Variants in SUSD1 observed in about 807,000 individuals in gnomAD.
SUSD1 encodes the protein sushi domain-containing protein 1.
Under a neutral mutation model 86.9 loss-of-function variants are expected in SUSD1, and 65 were observed. That is an observed-to-expected ratio of 0.75 (90% CI 0.61 to 0.92). SUSD1 has a LOEUF of 0.92. SUSD1 is among the 40% of genes least tolerant of loss of function. The pLI is 0.00. For missense variants in SUSD1, 850 were observed against 929.7 expected (o/e 0.91, Z 1.11); for synonymous variants, 346 against 350.0 (o/e 0.99, Z 0.13).
In SUSD1 at chr9:112,124,435, C is replaced by G. The variant is rs774519623; in HGVS notation, c.708G>C (p.Glu236Asp). ...TWESPKLHCQ[E>D]INCGNPPEMR... ...TTTCTGGAGGGTTGCCACAGTTGAT[C>G]TCTGCAATGGGAACCAAGACAGCAC... is the stretch of plus-strand genomic sequence containing the variant. The change falls in exon 6 of 17, where the codon GAG (glutamate) becomes GAC (aspartate). Residue 236 changes from glutamate to aspartate, a missense_variant and splice_region_variant. Physicochemically the swap from Glu to Asp is conservative, Grantham distance 45. Coordinates refer to ENST00000374270, the MANE Select transcript of SUSD1 (RefSeq NM_022486.5). 4 of 1,613,678 alleles carry G rather than the reference C, an allele frequency of 2.5e-6. No homozygotes were observed. In the East Asian group the frequency reaches 8.9e-5, roughly 36 times the overall value.
At position 112,103,139 on chromosome 9, in the gene SUSD1, T is replaced by A. The variant is rs1012717161; in HGVS notation, c.1172-854A>T. 7 of 462,338 alleles carry A rather than the reference T, an allele frequency of 1.5e-5. No individual in the cohort carries two copies. The East Asian group carries it at 4.9e-4, about 33-fold the overall frequency. 28.6% of individuals were successfully genotyped at this position (462,338 alleles called of 1,614,324 possible). A position where few individuals can be genotyped will look rare whatever the true frequency, so the allele number is the denominator to read the frequency against. Reference sequence around the variant, plus strand: ...CTATTTTATAACTACCTTTTATATGTGTATTTCTCCCGTGGGAGTTTCTGC... The same window carrying A: ...CTATTTTATAACTACCTTTTATATGAGTATTTCTCCCGTGGGAGTTTCTGC... On this transcript the variant is annotated intron_variant, in intron 8 of 16. Transcript: ENST00000374270.
intron 12 of SUSD1, among the ~76,000 whole-genome samples, chr9:112,066,656 G>A (rs1343554038): frequency 6.6e-6 from 1 of 152,144 alleles, no homozygotes; most frequent in Non-Finnish European, 1.5e-5. Context: ...CGTACGTGTT[G>A]TCTTTTCATA....
In SUSD1 at chr9:112,078,809, C is replaced by CACTTT. The variant is rs1196821450; in HGVS notation, c.1567-86_1567-85insAAAGT. 2,370 of 829,510 alleles carry CACTTT rather than the reference C, an allele frequency of 2.9e-3. 47 individuals are homozygous for CACTTT. The African/African-American group carries it at 0.051, about 18-fold the overall frequency. The allele number at this position is 829,510 out of a possible 1,614,324, so 51.4% of individuals were successfully genotyped here. On this transcript the variant is annotated intron_variant, in intron 11 of 16. Coordinates refer to ENST00000374270, the MANE Select transcript of SUSD1 (RefSeq NM_022486.5). ...AAACCTCCCCTTTTCCTTTTTCTTT[C>CACTTT]TCTTTTTTTTTTTTTTTTTTTGAGA... is the stretch of plus-strand genomic sequence containing the variant.
rs1055847838 is a variant in SUSD1, at chr9:112,052,181, T to C, written c.2149+218A>G. The C allele has an allele frequency of 4.0e-6, 6 of 1,482,084 alleles. No individual in the cohort carries two copies. The South Asian group carries it at 7.8e-5, about 19-fold the overall frequency. 91.8% of individuals were successfully genotyped at this position (1,482,084 alleles called of 1,614,324 possible). A position where few individuals can be genotyped will look rare whatever the true frequency, so the allele number is the denominator to read the frequency against. On this transcript the variant is annotated intron_variant, in intron 15 of 16. Transcript: ENST00000374270. The stretch of plus-strand genomic sequence containing the variant: ...GTGTTGAGTCCCCAGTCCCAGTTCC[T>C]GGAGCCTTCTTGGTGGGGTAGCTCT...
intron 12 of SUSD1, among the ~76,000 whole-genome samples, chr9:112,076,320 G>C (rs185726373): frequency 6.6e-6 from 1 of 152,292 alleles, no homozygotes; most frequent in African/African-American, 2.4e-5. Flanking sequence ...AGGCACAGGT[G>C]GGGAGAAGTG....
chr9:112,062,941 T>C lies in SUSD1; in HGVS notation c.1846A>G (p.Ile616Val). ...GGAGAAAGGACAGCTACTGACCTGA[T>C]TGGTCCATTTTTCTCCTTGGCTTTC... ...LRKAKEKNGP[I>V]SSYQVLVLPL... Residue 616 changes from isoleucine to valine, a missense_variant, in exon 13 of 17, where the codon ATC becomes GTC. Coordinates refer to ENST00000374270, the MANE Select transcript of SUSD1 (RefSeq NM_022486.5). 1 of 1,605,590 alleles carries C rather than the reference T, an allele frequency of 6.2e-7. No individual in the cohort carries two copies. The highest frequency in any genetic ancestry group is 1.3e-5 in the African/African-American group (1 of 74,866).
chr9:112,140,042 A>G (rs1213215139), intron 5 of SUSD1, among the ~76,000 whole-genome samples: 1 of 151,950 alleles, frequency 6.6e-6, no homozygotes, highest in African/African-American at 2.4e-5. Context: ...CCTGGGCAAC[A>G]TGGCGAAACC....
intron 15 of SUSD1, among the ~76,000 whole-genome samples, chr9:112,050,688 C>A (rs550684799): frequency 6.6e-6 from 1 of 152,246 alleles, no homozygotes; most frequent in African/African-American, 2.4e-5. Flanking sequence ...ACAAACCACA[C>A]GGAAAAGGTC....
chr9:112,159,173 C>A (rs1833463011), intron 1 of SUSD1, among the ~76,000 whole-genome samples: 1 of 152,122 alleles, frequency 6.6e-6, no homozygotes, highest in African/African-American at 2.4e-5. Flanking sequence ...CAAGATCAAA[C>A]AAGAATTTCT....
At chr9:112,045,857 G>C (rs996357979) in intron 15 of SUSD1, among the ~76,000 whole-genome samples, 2 of 152,174 alleles carry the variant, frequency 1.3e-5, no homozygotes, top group Non-Finnish European at 2.9e-5. Flanking sequence ...CATCCATGTT[G>C]GAAGACTTGA....
chr9:112,056,715 T>A (rs1461587877), intron 14 of SUSD1, among the ~76,000 whole-genome samples: 1 of 150,650 alleles, frequency 6.6e-6, no homozygotes, highest in Non-Finnish European at 1.5e-5. Context: ...ATTCTTTGTG[T>A]GTGTGTGTGT....
chr9:112,088,152 A>G (rs1039156734), intron 10 of SUSD1, among the ~76,000 whole-genome samples: 8 of 152,244 alleles, frequency 5.3e-5, no homozygotes, highest in African/African-American at 1.9e-4. Flanking sequence ...TATCAAGGCT[A>G]TACAGATACA....
intron 5 of SUSD1, among the ~76,000 whole-genome samples, chr9:112,127,288 A>T (rs1258199708): frequency 6.6e-6 from 1 of 152,138 alleles, no homozygotes; most frequent in East Asian, 1.9e-4. Context: ...CACAAGAATC[A>T]CTTGAACCCA....
chr9:112,126,493 G>A (rs2177667), intron 5 of SUSD1, among the ~76,000 whole-genome samples: 98,402 of 152,026 alleles, frequency 0.65, 32,517 homozygotes, highest in African/African-American at 0.76. Flanking sequence ...TAAGAAATCA[G>A]TAACTTGTTC....
chr9:112,128,980 G>A (rs935210308), intron 5 of SUSD1, among the ~76,000 whole-genome samples: 4 of 152,188 alleles, frequency 2.6e-5, no homozygotes, highest in Admixed American at 1.3e-4. Context: ...TGGGTTTTAA[G>A]TACGGGAATG....
At chr9:112,173,559 G>A in intron 1 of SUSD1, 1 of 347,026 alleles carries the variant, frequency 2.9e-6, no homozygotes, top group Non-Finnish European at 5.6e-6. Flanking sequence ...AGCTCCTTCG[G>A]GAGTCTGAGC....
At chr9:112,134,313 T>G (rs952738086) in intron 5 of SUSD1, among the ~76,000 whole-genome samples, 1 of 152,302 alleles carries the variant, frequency 6.6e-6, no homozygotes, top group East Asian at 1.9e-4. Context: ...GGAATCAACC[T>G]AGATGCCCAT....
chr9:112,167,470 G>A (rs992486196), intron 1 of SUSD1, among the ~76,000 whole-genome samples: 3 of 152,170 alleles, frequency 2.0e-5, no homozygotes, highest in Non-Finnish European at 2.9e-5. Flanking sequence ...TATAAATGCT[G>A]TATGAAGTGT....
At chr9:112,152,996 T>C (rs1373892997) in intron 2 of SUSD1, among the ~76,000 whole-genome samples, 3 of 152,058 alleles carry the variant, frequency 2.0e-5, no homozygotes, top group Non-Finnish European at 4.4e-5. Context: ...CCAGGCACAG[T>C]GATTTGCATC....
Sources: allele counts gnomAD v4.1 joint callset (sites outside exome capture counted in the v4.1 genomes callset), GRCh38; gene constraint gnomAD v4.1.1; transcripts MANE v1.5; gene names NCBI Gene and HGNC (gene_info 2026-07-23, HGNC 2026-07-21).